The following TGFBR3 variants were observed in gnomAD, a reference collection of about 807,000 sequenced individuals.
TGFBR3 encodes the protein transforming growth factor beta receptor 3, also known as transforming growth factor beta receptor type 3.
A neutral mutation model predicts 87.9 loss-of-function variants in TGFBR3; 46 were observed. That is an observed-to-expected ratio of 0.52 (90% CI 0.41 to 0.67). The LOEUF (loss-of-function observed/expected upper bound fraction) is 0.67, where lower values mean the gene tolerates loss of function less well. Among genes scored for constraint, TGFBR3 ranks in the 30% least tolerant of loss-of-function variants. TGFBR3 has a pLI of 0.00. For missense variants in TGFBR3, 866 were observed against 1,041.9 expected (o/e 0.83, Z 2.32); for synonymous variants, 381 against 391.6 (o/e 0.97, Z 0.32).
chr1:91,778,407 C>T (rs1482164070), intron 3 of TGFBR3, among the ~76,000 whole-genome samples: 7 of 151,972 alleles, frequency 4.6e-5, no homozygotes, highest in Non-Finnish European at 8.8e-5. Flanking sequence ...CACATTTGCC[C>T]TCAAGTTTAA....
chr1:91,897,646 C>T (rs1188641272), intron 2 of TGFBR3, among the ~76,000 whole-genome samples: 1 of 152,178 alleles, frequency 6.6e-6, no homozygotes, highest in African/African-American at 2.4e-5. Flanking sequence ...ATCATGCAGG[C>T]TTGCAGAGGA....
intron 2 of TGFBR3, among the ~76,000 whole-genome samples, chr1:91,861,167 C>A (rs1678172750): frequency 6.6e-6 from 1 of 151,892 alleles, no homozygotes; most frequent in African/African-American, 2.4e-5. Context: ...GCTAGGAGGC[C>A]AAGAAGAGAG....
At chr1:91,778,813 A>G (rs934401880) in intron 3 of TGFBR3, among the ~76,000 whole-genome samples, 17 of 152,362 alleles carry the variant, frequency 1.1e-4, no homozygotes, top group African/African-American at 3.8e-4. Flanking sequence ...AAAAATAAAT[A>G]TCAGGTGGTA....
intron 4 of TGFBR3, among the ~76,000 whole-genome samples, chr1:91,757,186 C>T (rs1422909731): frequency 1.3e-5 from 2 of 152,124 alleles, no homozygotes; most frequent in Admixed American, 6.5e-5. Flanking sequence ...ATGACTGATA[C>T]TTTTGAAGAT....
chr1:91,699,431 C>CTTTTTTTTTTTTTTTT lies in TGFBR3; in HGVS notation c.2288-1317_2288-1302dup, dbSNP rs60223260. ...TCTCTCTCTTTTTCTCTTTCTTTTG[C>CTTTTTTTTTTTTTTTT]TTTTTTTTTTTTTTTTTTTTTTTGC... On this transcript the variant is annotated intron_variant, in intron 14 of 16. Coordinates refer to ENST00000212355, the MANE Select transcript of TGFBR3 (RefSeq NM_003243.5). 1.2e-3 allele frequency among the ~76,000 whole-genome samples: 94 copies of CTTTTTTTTTTTTTTTT among 80,844 alleles called. 1 individual carries two copies. Among genetic ancestry groups the CTTTTTTTTTTTTTTTT allele is most frequent in the Admixed American group, 1.4e-3 (7 of 5,090 alleles). 53.0% of individuals were successfully genotyped at this position (80,844 alleles called of 152,430 possible).
In TGFBR3 at chr1:91,875,795, GGT is replaced by G. The variant is rs1553175705; in HGVS notation, c.-114+10081_-114+10082del. On this transcript the variant is annotated intron_variant, in intron 1 of 16. Transcript: ENST00000212355. Reference sequence around the variant, plus strand: ...CCCAGCTACTCGGGCGGGGGGGGGGGGTGGGAGTGTGCAGCTGAGGGAGGAGA... The same window carrying G: ...CCCAGCTACTCGGGCGGGGGGGGGGGGGGAGTGTGCAGCTGAGGGAGGAGA... 5.3e-3 allele frequency among the ~76,000 whole-genome samples: 256 copies of G among 48,522 alleles called. 1 individual carries two copies. Among genetic ancestry groups the G allele is most frequent in the East Asian group, 0.021 (28 of 1,314 alleles). The allele number at this position is 48,522 out of a possible 152,430, so 31.8% of individuals were successfully genotyped here.
At position 91,716,402 on chromosome 1, in the gene TGFBR3, TA is replaced by T; in HGVS notation, c.1708-9del. The stretch of plus-strand genomic sequence containing the variant: ...CTGAAGGCTGCAATTAAACTGGAAA[TA>T]ACAACCCACAGGAAGATTAATGACA... On this transcript the variant is annotated splice_polypyrimidine_tract_variant and intron_variant, in intron 11 of 16. Coordinates refer to ENST00000212355, the MANE Select transcript of TGFBR3 (RefSeq NM_003243.5). 1 of 1,614,098 alleles carries T rather than the reference TA, an allele frequency of 6.2e-7. No homozygotes were observed. Among genetic ancestry groups the T allele is most frequent in the South Asian group, 1.1e-5 (1 of 91,072 alleles).
At chr1:91,713,028 C>T (rs1004998922) in intron 12 of TGFBR3, among the ~76,000 whole-genome samples, 2 of 152,144 alleles carry the variant, frequency 1.3e-5, no homozygotes, top group African/African-American at 4.8e-5. Flanking sequence ...TTCTAAATTG[C>T]AAAAAGTCAG....
chr1:91,834,298 T>C (rs1676977845), intron 2 of TGFBR3, among the ~76,000 whole-genome samples: 2 of 152,298 alleles, frequency 1.3e-5, no homozygotes, highest in South Asian at 4.1e-4. Flanking sequence ...TTCTAGAAAA[T>C]CTTCACATAT....
chr1:91,842,147 C>T (rs1677313021), intron 2 of TGFBR3, among the ~76,000 whole-genome samples: 1 of 151,772 alleles, frequency 6.6e-6, no homozygotes, highest in Non-Finnish European at 1.5e-5. Flanking sequence ...AAAAGCTGCA[C>T]CAGAGCAAAA....
At chr1:91,843,817 A>T (rs927352724) in intron 2 of TGFBR3, among the ~76,000 whole-genome samples, 16 of 151,930 alleles carry the variant, frequency 1.1e-4, no homozygotes, top group African/African-American at 3.1e-4. Flanking sequence ...TGTCAAGACC[A>T]CTCTTGACAC....
rs141104745 is a variant in TGFBR3, at chr1:91,857,864, G to A, written c.61+3607C>T. Among the ~76,000 whole-genome samples the A allele has an allele frequency of 3.3e-3, 501 of 152,292 alleles. 4 individuals are homozygous for A. The highest frequency in any genetic ancestry group is 6.8e-3 in the Middle Eastern group (2 of 294). On this transcript the variant is annotated intron_variant, in intron 2 of 16. Coordinates refer to ENST00000212355, the MANE Select transcript of TGFBR3 (RefSeq NM_003243.5). ...CTACTACTGTGCTTTGTACTCAGCA[G>A]GGATCAGTGAATAAATGATTTAATG...
intron 3 of TGFBR3, among the ~76,000 whole-genome samples, chr1:91,759,116 G>A (rs1673858501): frequency 6.6e-6 from 1 of 152,144 alleles, no homozygotes; most frequent in Non-Finnish European, 1.5e-5. Flanking sequence ...AATGACTAAG[G>A]TGAAACTTGG....
At chr1:91,686,827 T>C (rs947834077) in intron 16 of TGFBR3, among the ~76,000 whole-genome samples, 1 of 152,140 alleles carries the variant, frequency 6.6e-6, no homozygotes, top group Non-Finnish European at 1.5e-5. Flanking sequence ...ACAAGGCTGC[T>C]CCTAAAGGAG....
At chr1:91,844,923 GA>G (rs1470170473) in intron 2 of TGFBR3, among the ~76,000 whole-genome samples, 2 of 152,176 alleles carry the variant, frequency 1.3e-5, no homozygotes. Context: ...TCATATGACA[GA>G]AAGGGTTAAA....
intron 3 of TGFBR3, among the ~76,000 whole-genome samples, chr1:91,795,029 A>T (rs6604056): frequency 0.53 from 80,087 of 152,042 alleles, 21,297 homozygotes; most frequent in Middle Eastern, 0.64. Flanking sequence ...CATCTTACCA[A>T]CCACAAACAA....
chr1:91,877,541 A>G (rs1678851286), intron 1 of TGFBR3, among the ~76,000 whole-genome samples: 1 of 152,204 alleles, frequency 6.6e-6, no homozygotes, highest in East Asian at 1.9e-4. Context: ...TTCTACAGGA[A>G]AGCTCCTTAT....
chr1:91,759,560 C>A (rs1386175524), intron 3 of TGFBR3, among the ~76,000 whole-genome samples: 1 of 152,080 alleles, frequency 6.6e-6, no homozygotes, highest in Admixed American at 6.5e-5. Context: ...CCTCTTGGCA[C>A]ACATGAGCCC....
At chr1:91,816,038 T>C (rs140075972) in intron 2 of TGFBR3, among the ~76,000 whole-genome samples, 1 of 152,148 alleles carries the variant, frequency 6.6e-6, no homozygotes, top group Non-Finnish European at 1.5e-5. Context: ...AACCCATGAA[T>C]TGAAAGACTG....
Sources: allele counts gnomAD v4.1 joint callset (sites outside exome capture counted in the v4.1 genomes callset), GRCh38; gene constraint gnomAD v4.1.1; transcripts MANE v1.5; gene names NCBI Gene and HGNC (gene_info 2026-07-23, HGNC 2026-07-21).